Variants in PANK4 observed in about 807,000 individuals in gnomAD.
The protein encoded by PANK4 is pantothenate kinase 4 (inactive).
Under a neutral mutation model 87.9 loss-of-function variants are expected in PANK4, and 40 were observed. That is an observed-to-expected ratio of 0.46 (90% confidence interval 0.35 to 0.59). The LOEUF (loss-of-function observed/expected upper bound fraction) is 0.59, where lower values mean the gene tolerates loss of function less well. Ranked by LOEUF, PANK4 falls within the 20% of genes least tolerant of loss-of-function variation. The probability of loss-of-function intolerance (pLI) is 0.00; values close to 1 mark genes in which losing one functional copy is unlikely to be tolerated. For synonymous variants in PANK4, 524 were observed against 467.4 expected (o/e 1.12, Z -1.56); for missense variants, 926 against 1,072.3 (o/e 0.86, Z 1.90).
Position 2,522,925 on chromosome 1 carries a change from T to C in PANK4, c.125-1125A>G, listed in dbSNP as rs1407247429. ...TAACAGAGGGCACCGTATGGTGCTA[T>C]AGTGACTTAACAGAGGGGACCGTGT... is the stretch of plus-strand genomic sequence containing the variant. On this transcript the variant is annotated intron_variant, in intron 1 of 18. Coordinates refer to ENST00000378466, the MANE Select transcript of PANK4 (RefSeq NM_018216.4). 1.2e-4 allele frequency among the ~76,000 whole-genome samples: 16 copies of C among 131,530 alleles called. 2 individuals carry two copies. Among genetic ancestry groups the C allele is most frequent in the South Asian group, 5.1e-4 (2 of 3,896 alleles). The allele number at this position is 131,530 out of a possible 152,430, so 86.3% of individuals were successfully genotyped here.
rs376903481 is a variant in PANK4 at position 2,509,039 on chromosome 1, G to A, written c.2130C>T (p.Ala710=). ...CCGCGCCACGCTCCCGCACCAGTGC[G>A]GCCAGCCCCTTATCCAGGCGGCTTT... is the stretch of plus-strand genomic sequence containing the variant. ...LDLSRLDKGL[A]ALVRERGADL... is the part of the protein sequence containing the mutation. The change falls in exon 19 of 19, where the codon GCC becomes GCT. Residue 710 remains alanine (A), a synonymous_variant. Coordinates refer to ENST00000378466, the MANE Select transcript of PANK4 (RefSeq NM_018216.4). This position sits in a 1 kb window ranked among gnomAD's most constrained non-coding sequence, Gnocchi z 4.9. 101 of 1,600,472 alleles carry A rather than the reference G, an allele frequency of 6.3e-5. No homozygotes were observed. The highest frequency in any genetic ancestry group is 8.0e-5 in the Non-Finnish European group (94 of 1,179,116).
In PANK4 at chr1:2,509,144, C is replaced by A; in HGVS notation, c.2109-84G>T. On this transcript the variant is annotated intron_variant, in intron 18 of 18. Transcript: ENST00000378466. The surrounding 1 kb of genome is among the most constrained non-coding windows in gnomAD (Gnocchi z 4.9). ...TACAGTGCGGCGACCAACGTGAAGG[C>A]TGAAACCCCTACCGCTCAATTCCCT... 1 of 1,037,308 alleles carries A rather than the reference C, an allele frequency of 9.6e-7. No individual in the cohort carries two copies. The highest frequency in any genetic ancestry group is 1.4e-6 in the Non-Finnish European group (1 of 708,932). The allele number at this position is 1,037,308 out of a possible 1,614,324, so 64.3% of individuals were successfully genotyped here. A position where few individuals can be genotyped will look rare whatever the true frequency, so the allele number is the denominator to read the frequency against.
In PANK4 at chr1:2,509,677, C is replaced by A; in HGVS notation, c.2108+185G>T. 1.6e-6 allele frequency: 1 copy of A among 629,124 alleles called. No individual in the cohort carries two copies. Among genetic ancestry groups the A allele is most frequent in the Middle Eastern group, 4.4e-4 (1 of 2,296 alleles). 39.0% of individuals were successfully genotyped at this position (629,124 alleles called of 1,614,324 possible). A position where few individuals can be genotyped will look rare whatever the true frequency, so the allele number is the denominator to read the frequency against. ...CCACCTCAGACCCTGAATCCATTCACCCTCCCCAGGCCACCTTCGGGGATG... is the reference window on the plus strand; with the variant it reads ...CCACCTCAGACCCTGAATCCATTCAACCTCCCCAGGCCACCTTCGGGGATG... On this transcript the variant is annotated intron_variant, in intron 18 of 18. Coordinates refer to ENST00000378466, the MANE Select transcript of PANK4 (RefSeq NM_018216.4). This position sits in a 1 kb window ranked among gnomAD's most constrained non-coding sequence, Gnocchi z 4.9.
Position 2,521,123 on chromosome 1 carries a change from T to C in PANK4, c.400A>G (p.Ile134Val), listed in dbSNP as rs1430318759. 4.3e-6 allele frequency: 7 copies of C among 1,612,868 alleles called. No homozygotes were observed. Among genetic ancestry groups the C allele is most frequent in the Non-Finnish European group, 5.9e-6 (7 of 1,179,278 alleles). Residue 134 changes from isoleucine to valine, a missense_variant, in exon 3 of 19, where the codon ATC (isoleucine) becomes GTC (valine). By Grantham distance (29) the Ile-to-Val change is conservative (BLOSUM62 3). Transcript: ENST00000378466. ...GGGAYKFKDL[I>V]EEKLRLKVDK... Reference sequence around the variant, plus strand: ...CACTTCAGCCGCAGCTTCTCTTCGATGAGGTCTTTGAACTTGTAGGCCCCG... The same window carrying C: ...CACTTCAGCCGCAGCTTCTCTTCGACGAGGTCTTTGAACTTGTAGGCCCCG...
intron 8 of PANK4, 92 bp from the exon 9 acceptor site, chr1:2,518,356 T>A: frequency 2.9e-6 from 3 of 1,028,420 alleles, no homozygotes; most frequent in Non-Finnish European, 4.4e-6. Context: ...AATCGCTTAT[T>A]AACTAAATTG....
In PANK4 at chr1:2,510,282, C is replaced by G; in HGVS notation, c.1939-125G>C. On this transcript the variant is annotated intron_variant, in intron 16 of 18. Coordinates refer to ENST00000378466, the MANE Select transcript of PANK4 (RefSeq NM_018216.4). The surrounding 1 kb of genome is among the most constrained non-coding windows in gnomAD (Gnocchi z 4.9). ...TGTGCCCAGCGGGCCTGGCCAGCCA[C>G]CTGCTGCTGAGGAGCAGGGACCTCG... The G allele has an allele frequency of 1.4e-6, 1 of 696,562 alleles. No homozygotes were observed. The highest frequency in any genetic ancestry group is 2.6e-6 in the Non-Finnish European group (1 of 383,686). 43.1% of individuals were successfully genotyped at this position (696,562 alleles called of 1,614,324 possible). A position where few individuals can be genotyped will look rare whatever the true frequency, so the allele number is the denominator to read the frequency against.
chr1:2,523,987 C>A (rs989061925), intron 1 of PANK4, among the ~76,000 whole-genome samples: 1 of 152,246 alleles, frequency 6.6e-6, no homozygotes, highest in Non-Finnish European at 1.5e-5. Flanking sequence ...CCCTGTCCCA[C>A]AGGCCCCATC....
intron 13 of PANK4, among the ~76,000 whole-genome samples, chr1:2,511,905 TC>T (rs1212886166): frequency 6.6e-6 from 1 of 150,666 alleles, no homozygotes; most frequent in Non-Finnish European, 1.5e-5. Context: ...CCCAAATCCC[TC>T]CCAGGTGGGA....
intron 12 of PANK4, among the ~76,000 whole-genome samples, chr1:2,513,671 A>T (rs1643705947): frequency 6.6e-6 from 1 of 152,198 alleles, no homozygotes; most frequent in South Asian, 2.1e-4. Flanking sequence ...CCACCCTCAC[A>T]GAAGCTGGGA....
rs1643865718 is a variant in PANK4 at position 2,520,483 on chromosome 1, C to G, written c.607-69G>C. The G allele has an allele frequency of 1.6e-6, 2 of 1,213,034 alleles. No individual in the cohort carries two copies. Among genetic ancestry groups the G allele is most frequent in the East Asian group, 3.4e-5 (1 of 29,224 alleles). 75.1% of individuals were successfully genotyped at this position (1,213,034 alleles called of 1,614,324 possible). A position where few individuals can be genotyped will look rare whatever the true frequency, so the allele number is the denominator to read the frequency against. The stretch of plus-strand genomic sequence containing the variant: ...CCACACAGGCTCCCCCGCCCCCCGC[C>G]CCATGTGCTGCGCTGGGGTGAACCC... On this transcript the variant is annotated intron_variant, in intron 4 of 18. Coordinates refer to ENST00000378466, the MANE Select transcript of PANK4 (RefSeq NM_018216.4). The surrounding 1 kb of genome is among the most constrained non-coding windows in gnomAD (Gnocchi z 6.2).
chr1:2,509,101 C>T lies in PANK4; in HGVS notation c.2109-41G>A. ...GGACGGTGAGACTGGGCAAGCAGACCCCAGACCCCACTTCCCATACAGTGC... is the reference window on the plus strand; with the variant it reads ...GGACGGTGAGACTGGGCAAGCAGACTCCAGACCCCACTTCCCATACAGTGC... On this transcript the variant is annotated intron_variant, in intron 18 of 18. Coordinates refer to ENST00000378466, the MANE Select transcript of PANK4 (RefSeq NM_018216.4). This position sits in a 1 kb window ranked among gnomAD's most constrained non-coding sequence, Gnocchi z 4.9. 1 of 1,484,718 alleles carries T rather than the reference C, an allele frequency of 6.7e-7. No homozygotes were observed. The highest frequency in any genetic ancestry group is 9.2e-7 in the Non-Finnish European group (1 of 1,092,296). 92.0% of individuals were successfully genotyped at this position (1,484,718 alleles called of 1,614,324 possible). A position where few individuals can be genotyped will look rare whatever the true frequency, so the allele number is the denominator to read the frequency against.
In PANK4 at chr1:2,520,219, G is replaced by A. The variant is rs1643863405; in HGVS notation, c.699+103C>T. The A allele has an allele frequency of 3.7e-6, 4 of 1,092,382 alleles. No homozygotes were observed. Among genetic ancestry groups the A allele is most frequent in the Non-Finnish European group, 5.6e-6 (4 of 720,314 alleles). 67.7% of individuals were successfully genotyped at this position (1,092,382 alleles called of 1,614,324 possible). A position where few individuals can be genotyped will look rare whatever the true frequency, so the allele number is the denominator to read the frequency against. The stretch of plus-strand genomic sequence containing the variant: ...AGACCCACTGACGCGAGTCAGGAGG[G>A]AGGCCCGGAAGCAGCTTTTGCACCG... On this transcript the variant is annotated intron_variant, in intron 5 of 18. Transcript: ENST00000378466. The surrounding 1 kb of genome is among the most constrained non-coding windows in gnomAD (Gnocchi z 6.2).
In PANK4 at chr1:2,515,360, G is replaced by A. The variant is rs763123224; in HGVS notation, c.1374+202C>T. 47 of 704,456 alleles carry A rather than the reference G, an allele frequency of 6.7e-5. No individual in the cohort carries two copies. The highest frequency in any genetic ancestry group is 9.8e-5 in the Non-Finnish European group (38 of 387,572). 43.6% of individuals were successfully genotyped at this position (704,456 alleles called of 1,614,324 possible). On this transcript the variant is annotated intron_variant, in intron 10 of 18. Transcript: ENST00000378466. This position sits in a 1 kb window ranked among gnomAD's most constrained non-coding sequence, Gnocchi z 5.0. The stretch of plus-strand genomic sequence containing the variant: ...AAGCAACGTGCCTCGCAGACGCCAC[G>A]TCCTCACTGACCCACCAGGTGGCCA...
Position 2,515,433 on chromosome 1 carries a change from C to T in PANK4, c.1374+129G>A, listed in dbSNP as rs551435080. The T allele has an allele frequency of 1.7e-4, 183 of 1,047,196 alleles. No homozygotes were observed. Among genetic ancestry groups the T allele is most frequent in the Non-Finnish European group, 2.4e-4 (163 of 685,298 alleles). The allele number at this position is 1,047,196 out of a possible 1,614,324, so 64.9% of individuals were successfully genotyped here. On this transcript the variant is annotated intron_variant, in intron 10 of 18. Transcript: ENST00000378466. This position sits in a 1 kb window ranked among gnomAD's most constrained non-coding sequence, Gnocchi z 5.0. Reference sequence around the variant, plus strand: ...AACCAAAATCGCCCCCTCACTCAGACGCAGATCAAGGGGTTTCTGGACAAC... The same window carrying T: ...AACCAAAATCGCCCCCTCACTCAGATGCAGATCAAGGGGTTTCTGGACAAC...
chr1:2,516,264 T>A (rs754842573), intron 9 of PANK4, among the ~76,000 whole-genome samples: 1 of 152,084 alleles, frequency 6.6e-6, no homozygotes, highest in Non-Finnish European at 1.5e-5. Flanking sequence ...CATGCACCCT[T>A]CTTCCTCCAT....
rs768472329 is a variant in PANK4, at chr1:2,510,596, G to A, written c.1938+82C>T. On this transcript the variant is annotated intron_variant, in intron 16 of 18. Transcript: ENST00000378466. The surrounding 1 kb of genome is among the most constrained non-coding windows in gnomAD (Gnocchi z 4.9). ...TGCGTCCGGAGGAGCCCCGACCACC[G>A]CCAGAGGCCCACAGCGGCGCCAACC... 1.0e-4 allele frequency: 86 copies of A among 834,906 alleles called. No individual in the cohort carries two copies. Among genetic ancestry groups the A allele is most frequent in the Admixed American group, 3.1e-4 (15 of 48,940 alleles). The allele number at this position is 834,906 out of a possible 1,614,324, so 51.7% of individuals were successfully genotyped here. A position where few individuals can be genotyped will look rare whatever the true frequency, so the allele number is the denominator to read the frequency against.
intron 1 of PANK4, chr1:2,526,058 G>A (rs1643919590): frequency 6.6e-6 from 1 of 152,360 alleles, no homozygotes; most frequent in Non-Finnish European, 1.5e-5. Flanking sequence ...CAAATCTCAG[G>A]CCAGCCACCA....
chr1:2,518,320 G>A (rs535077270), intron 8 of PANK4, 56 bp from the exon 9 acceptor site: 2 of 1,213,838 alleles, frequency 1.6e-6, no homozygotes, highest in Admixed American at 1.8e-5. Context: ...TTCAAAAGCA[G>A]GAGAGTGGAG....
chr1:2,517,704 C>T (rs1223073077), intron 9 of PANK4, among the ~76,000 whole-genome samples: 1 of 152,198 alleles, frequency 6.6e-6, no homozygotes, highest in Admixed American at 6.5e-5. Context: ...AGGAATGAGC[C>T]GGGACACCCC....
Sources: allele counts gnomAD v4.1 joint callset (sites outside exome capture counted in the v4.1 genomes callset), GRCh38; gene constraint gnomAD v4.1.1; non-coding constraint Gnocchi (gnomAD v3.1); transcripts MANE v1.5; gene names NCBI Gene and HGNC (gene_info 2026-07-23, HGNC 2026-07-21).